GALNT17: variants seen among roughly 807,000 people sequenced by gnomAD.
GALNT17 encodes the protein polypeptide N-acetylgalactosaminyltransferase 17.
In GALNT17, 29 loss-of-function variants were observed where a neutral mutation model predicts 63.7. That is an observed-to-expected ratio of 0.46 (90% CI 0.34 to 0.62). The LOEUF (loss-of-function observed/expected upper bound fraction) is 0.62, where lower values mean the gene tolerates loss of function less well. Ranked by LOEUF, GALNT17 falls within the 20% of genes least tolerant of loss-of-function variation. The pLI is 0.01. For synonymous variants in GALNT17, 305 were observed against 318.3 expected (o/e 0.96, Z 0.45); for missense variants, 603 against 799.6 (o/e 0.75, Z 2.97).
intron 6 of GALNT17, among the ~76,000 whole-genome samples, chr7:71,598,713 C>T (rs1196374006): frequency 1.3e-5 from 2 of 152,158 alleles, no homozygotes; most frequent in African/African-American, 2.4e-5. Flanking sequence ...ATTTATTGAG[C>T]GTCTACTAGG....
chr7:71,559,077 A>G (rs1789211282), intron 5 of GALNT17, among the ~76,000 whole-genome samples: 1 of 152,238 alleles, frequency 6.6e-6, no homozygotes, highest in African/African-American at 2.4e-5. Flanking sequence ...ACTTCCACTT[A>G]AAGGCAAAGC....
At chr7:71,320,011 A>G (rs1310090127) in intron 1 of GALNT17, among the ~76,000 whole-genome samples, 1 of 152,116 alleles carries the variant, frequency 6.6e-6, no homozygotes, top group Non-Finnish European at 1.5e-5. Context: ...CATCCCTAGT[A>G]TTTTGTTGGC....
intron 6 of GALNT17, among the ~76,000 whole-genome samples, chr7:71,634,935 A>G (rs1046609682): frequency 2.0e-5 from 3 of 151,990 alleles, no homozygotes; most frequent in Non-Finnish European, 4.4e-5. Flanking sequence ...CCAGCCGGGC[A>G]TGGTGACTCA....
intron 5 of GALNT17, among the ~76,000 whole-genome samples, chr7:71,426,306 G>A (rs1455367589): frequency 6.6e-6 from 1 of 152,184 alleles, no homozygotes; most frequent in Admixed American, 6.5e-5. Context: ...ATTATTGTGT[G>A]TCCACAGCCC....
At chr7:71,392,579 G>A (rs1793069852) in intron 3 of GALNT17, among the ~76,000 whole-genome samples, 1 of 152,132 alleles carries the variant, frequency 6.6e-6, no homozygotes. Flanking sequence ...GAACCATTGG[G>A]TTAGGTAACC....
At chr7:71,261,589 A>T (rs1790386214) in intron 1 of GALNT17, among the ~76,000 whole-genome samples, 2 of 152,144 alleles carry the variant, frequency 1.3e-5, no homozygotes, top group South Asian at 4.1e-4. Flanking sequence ...ACCAACCAAG[A>T]GGAGGAAGCT....
At chr7:71,596,331 C>A (rs1455616672) in intron 6 of GALNT17, among the ~76,000 whole-genome samples, 13 of 152,070 alleles carry the variant, frequency 8.5e-5, no homozygotes, top group African/African-American at 3.1e-4. Flanking sequence ...AGCCACTGCA[C>A]CTGGCCTGCT....
intron 5 of GALNT17, among the ~76,000 whole-genome samples, chr7:71,472,112 A>G (rs1297112602): frequency 1.3e-5 from 2 of 152,116 alleles, no homozygotes; most frequent in Non-Finnish European, 2.9e-5. Flanking sequence ...CGGTTAATAC[A>G]TGGCCCCTTC....
chr7:71,205,006 A>C (rs1261456036), intron 1 of GALNT17, among the ~76,000 whole-genome samples: 1 of 152,144 alleles, frequency 6.6e-6, no homozygotes, highest in East Asian at 1.9e-4. Flanking sequence ...TTGGCCACCC[A>C]AAATGCTGGG....
intron 1 of GALNT17, among the ~76,000 whole-genome samples, chr7:71,162,638 T>G (rs1240040972): frequency 6.6e-6 from 1 of 152,174 alleles, no homozygotes; most frequent in Non-Finnish European, 1.5e-5. Flanking sequence ...ATCCATCCAT[T>G]CATCCATGGA....
intron 5 of GALNT17, among the ~76,000 whole-genome samples, chr7:71,435,410 G>A (rs1192120290): frequency 3.3e-5 from 5 of 152,088 alleles, no homozygotes; most frequent in Admixed American, 1.3e-4. Context: ...GGACTAGACC[G>A]CCTTTGTAGG....
chr7:71,189,666 C>T (rs1788914236), intron 1 of GALNT17, among the ~76,000 whole-genome samples: 2 of 152,042 alleles, frequency 1.3e-5, no homozygotes, highest in African/African-American at 2.4e-5. Context: ...TAAGGGCTGT[C>T]TTCGGTGGAG....
chr7:71,212,620 A>AG (rs545033717), intron 1 of GALNT17, among the ~76,000 whole-genome samples: 5 of 152,054 alleles, frequency 3.3e-5, no homozygotes, highest in Non-Finnish European at 7.4e-5. Flanking sequence ...AGCAGCCAGG[A>AG]GGGGGGGCTA....
intron 5 of GALNT17, among the ~76,000 whole-genome samples, chr7:71,499,443 A>T (rs1348401967): frequency 6.6e-6 from 1 of 152,176 alleles, no homozygotes; most frequent in Non-Finnish European, 1.5e-5. Flanking sequence ...GATGATGTTG[A>T]TTTGTAGACA....
At chr7:71,300,969 C>T (rs1287181483) in intron 1 of GALNT17, 6 of 152,864 alleles carry the variant, frequency 3.9e-5, no homozygotes. Flanking sequence ...GTAAAATGAA[C>T]AGTGTTTAAT....
intron 2 of GALNT17, among the ~76,000 whole-genome samples, chr7:71,380,337 T>C (rs1351824643): frequency 1.3e-5 from 2 of 152,004 alleles, no homozygotes; most frequent in Non-Finnish European, 2.9e-5. Flanking sequence ...AGTATTAATA[T>C]TATTATTATT....
At chr7:71,224,141 G>C (rs1562928836) in intron 1 of GALNT17, among the ~76,000 whole-genome samples, 2 of 152,092 alleles carry the variant, frequency 1.3e-5, no homozygotes, top group Non-Finnish European at 2.9e-5. Flanking sequence ...TGCAACCTCT[G>C]CCTCCTGGGT....
chr7:71,682,308 T>A (rs1401558736), intron 9 of GALNT17, among the ~76,000 whole-genome samples: 5 of 132,294 alleles, frequency 3.8e-5, no homozygotes, highest in Admixed American at 2.8e-4. Context: ...GTGTCTGCCT[T>A]CTGTGGCCCT....
chr7:71,636,494 CAG>C (rs1790530386), intron 6 of GALNT17, among the ~76,000 whole-genome samples: 1 of 152,142 alleles, frequency 6.6e-6, no homozygotes, highest in Admixed American at 6.5e-5. Context: ...GGTTTGGCAA[CAG>C]AGGACTGAGT....
Sources: allele counts gnomAD v4.1 joint callset (sites outside exome capture counted in the v4.1 genomes callset), GRCh38; gene constraint gnomAD v4.1.1; transcripts MANE v1.5; gene names NCBI Gene and HGNC (gene_info 2026-07-23, HGNC 2026-07-21).